ST6GALNAC5: variants seen among roughly 807,000 people sequenced by gnomAD.
ST6GALNAC5 encodes the protein ST6 N-acetylgalactosaminide alpha-2,6-sialyltransferase 5.
Under a neutral mutation model 33.6 loss-of-function variants are expected in ST6GALNAC5, and 27 were observed. The ratio of observed to expected loss-of-function variants is 0.80; its 90% CI spans 0.59 to 1.11. ST6GALNAC5 has a LOEUF of 1.11. Among genes scored for constraint, ST6GALNAC5 ranks in the 50% least tolerant of loss-of-function variants. The pLI is 0.00. For synonymous variants in ST6GALNAC5, 194 were observed against 171.2 expected (o/e 1.13, Z -1.04); for missense variants, 428 against 454.0 (o/e 0.94, Z 0.52).
At chr1:77,045,086 A>T (rs147582100) in intron 3 of ST6GALNAC5, among the ~76,000 whole-genome samples, 17 of 152,310 alleles carry the variant, frequency 1.1e-4, no homozygotes, top group African/African-American at 3.4e-4. Flanking sequence ...AAAGCCTTGG[A>T]CACTTACCAA....
chr1:76,878,918 C>G (rs995565155), intron 2 of ST6GALNAC5, among the ~76,000 whole-genome samples: 1 of 152,154 alleles, frequency 6.6e-6, no homozygotes, highest in Non-Finnish European at 1.5e-5. Flanking sequence ...ATTAAGGTAG[C>G]TATGCCCACC....
chr1:76,918,498 G>A (rs1646996926), intron 2 of ST6GALNAC5, among the ~76,000 whole-genome samples: 2 of 151,166 alleles, frequency 1.3e-5, no homozygotes, highest in South Asian at 4.2e-4. Context: ...CATGCCTGTA[G>A]TCTCAGCTAC....
At chr1:76,966,075 G>T (rs1473563386) in intron 2 of ST6GALNAC5, among the ~76,000 whole-genome samples, 1 of 152,170 alleles carries the variant, frequency 6.6e-6, no homozygotes, top group East Asian at 1.9e-4. Flanking sequence ...GCTTAGGATT[G>T]TCTTGGCAAT....
chr1:76,984,612 C>G (rs559176699), intron 2 of ST6GALNAC5, among the ~76,000 whole-genome samples: 5 of 152,186 alleles, frequency 3.3e-5, no homozygotes, highest in Non-Finnish European at 7.3e-5. Context: ...ACCATTCCTT[C>G]TGAAAGTATT....
At chr1:77,012,145 C>T (rs1384795817) in intron 2 of ST6GALNAC5, among the ~76,000 whole-genome samples, 1 of 152,124 alleles carries the variant, frequency 6.6e-6, no homozygotes, top group Non-Finnish European at 1.5e-5. Context: ...GAGAGAGTTG[C>T]ATCACTAGGA....
chr1:76,888,193 A>G (rs1444822914), intron 2 of ST6GALNAC5, among the ~76,000 whole-genome samples: 1 of 152,120 alleles, frequency 6.6e-6, no homozygotes, highest in Admixed American at 6.6e-5. Flanking sequence ...ATGATGTGCC[A>G]TTTAAAGCAG....
At chr1:76,951,773 T>A (rs908407600) in intron 2 of ST6GALNAC5, among the ~76,000 whole-genome samples, 3 of 152,148 alleles carry the variant, frequency 2.0e-5, no homozygotes, top group African/African-American at 7.2e-5. Context: ...TGTTCTAAAT[T>A]CCATGTACCC....
intron 2 of ST6GALNAC5, among the ~76,000 whole-genome samples, chr1:76,926,022 G>A (rs996650902): frequency 1.4e-4 from 21 of 152,060 alleles, no homozygotes; most frequent in African/African-American, 4.8e-4. Context: ...TGACAGCTCC[G>A]TGCCTCCCAC....
intron 2 of ST6GALNAC5, among the ~76,000 whole-genome samples, chr1:76,942,684 C>T (rs1647379098): frequency 6.6e-6 from 1 of 152,074 alleles, no homozygotes; most frequent in South Asian, 2.1e-4. Flanking sequence ...TTGGTTTTGT[C>T]TTAGACTCTT....
In ST6GALNAC5 at chr1:76,868,559, C is replaced by T. The variant is rs769476674; in HGVS notation, c.78C>T (p.Tyr26=). ...TGTGCACCAGCTTGTTGCTAGTGTA[C>T]AGCAGCCTCGGCGGCCAGAAGGAGC... ...TTMCTSLLLV[Y]SSLGGQKERP... Residue 26 remains tyrosine, a synonymous_variant, in exon 2 of 5, where the codon TAC becomes TAT. Coordinates refer to ENST00000477717, the MANE Select transcript of ST6GALNAC5 (RefSeq NM_030965.3). This position sits in a 1 kb window ranked among gnomAD's most constrained non-coding sequence, Gnocchi z 4.3. 1 of 1,613,374 alleles carries T rather than the reference C, an allele frequency of 6.2e-7. No individual in the cohort carries two copies. Among genetic ancestry groups the T allele is most frequent in the Non-Finnish European group, 8.5e-7 (1 of 1,179,622 alleles).
intron 2 of ST6GALNAC5, among the ~76,000 whole-genome samples, chr1:76,913,416 G>A (rs984075538): frequency 4.6e-5 from 7 of 151,666 alleles, no homozygotes; most frequent in Admixed American, 4.6e-4. Flanking sequence ...CTCTTCTCAA[G>A]GAGTATCTTT....
intron 2 of ST6GALNAC5, among the ~76,000 whole-genome samples, chr1:76,976,101 T>A (rs931353472): frequency 6.6e-5 from 10 of 151,574 alleles, no homozygotes; most frequent in Non-Finnish European, 1.3e-4. Context: ...CTCAAAAAAA[T>A]AAAAAATTAA....
At chr1:76,969,822 C>A (rs767352752) in intron 2 of ST6GALNAC5, among the ~76,000 whole-genome samples, 1 of 152,108 alleles carries the variant, frequency 6.6e-6, no homozygotes, top group Non-Finnish European at 1.5e-5. Flanking sequence ...TGGGACGAAG[C>A]TTCCAGAGGA....
intron 2 of ST6GALNAC5, among the ~76,000 whole-genome samples, chr1:76,949,475 C>A (rs1011653581): frequency 6.6e-6 from 1 of 152,126 alleles, no homozygotes; most frequent in Non-Finnish European, 1.5e-5. Flanking sequence ...TTTTTAGACC[C>A]AGCTCTTCCA....
At chr1:76,939,445 C>T (rs1395434848) in intron 2 of ST6GALNAC5, among the ~76,000 whole-genome samples, 1 of 152,040 alleles carries the variant, frequency 6.6e-6, no homozygotes, top group Non-Finnish European at 1.5e-5. Context: ...GTTTCCAGAA[C>T]AGAGGCCAAG....
chr1:76,893,307 A>G (rs952841985), intron 2 of ST6GALNAC5, among the ~76,000 whole-genome samples: 8 of 152,200 alleles, frequency 5.3e-5, no homozygotes, highest in Non-Finnish European at 8.8e-5. Flanking sequence ...GAAGCAGCAT[A>G]TTGAGATATA....
chr1:77,012,413 A>T (rs183911443), intron 2 of ST6GALNAC5, among the ~76,000 whole-genome samples: 1 of 152,312 alleles, frequency 6.6e-6, no homozygotes. Context: ...CACTAATATG[A>T]AGTAGATCTT....
chr1:76,990,502 G>A (rs948568828), intron 2 of ST6GALNAC5, among the ~76,000 whole-genome samples: 1 of 152,056 alleles, frequency 6.6e-6, no homozygotes, highest in African/African-American at 2.4e-5. Flanking sequence ...GGTGCTCATT[G>A]CTAAATAGTT....
At chr1:76,869,773 G>A (rs1235670477) in intron 2 of ST6GALNAC5, among the ~76,000 whole-genome samples, 1 of 152,148 alleles carries the variant, frequency 6.6e-6, no homozygotes, top group Non-Finnish European at 1.5e-5. Flanking sequence ...ATAATGCTAA[G>A]GATTTGAAAG....
Sources: allele counts gnomAD v4.1 joint callset (sites outside exome capture counted in the v4.1 genomes callset), GRCh38; gene constraint gnomAD v4.1.1; non-coding constraint Gnocchi (gnomAD v3.1); transcripts MANE v1.5; gene names NCBI Gene and HGNC (gene_info 2026-07-23, HGNC 2026-07-21).